Variants in CSAD observed in about 807,000 individuals in gnomAD.
CSAD encodes the protein cysteine sulfinic acid decarboxylase.
Under a neutral mutation model 61.5 loss-of-function variants are expected in CSAD, and 47 were observed. The observed-to-expected ratio is 0.76, with a 90% CI of 0.60 to 0.97. The LOEUF (loss-of-function observed/expected upper bound fraction) is 0.97, where lower values mean the gene tolerates loss of function less well. Among genes scored for constraint, CSAD ranks in the 50% least tolerant of loss-of-function variants. CSAD has a pLI of 0.00. For missense variants in CSAD, 611 were observed against 643.6 expected (o/e 0.95, Z 0.55); for synonymous variants, 245 against 252.7 (o/e 0.97, Z 0.29).
rs760194269 is a variant in CSAD at position 53,161,159 on chromosome 12, CTG to C, written c.850_851del (p.Gln284AspfsTer13). ...TCCCATCCAGGAGATGCCTGTGTGT[CTG>C]TGACAGCAGGACGCTCCCACCCCAG... is the stretch of plus-strand genomic sequence containing the variant. Reference protein sequence around the residue: ...AAWGGSVLLSQTHRHLLDGIQ... With the variant: ...AAWGGSVLLSXTHRHLLDGIQ... On this transcript the variant is annotated frameshift_variant, in exon 12 of 17. Coordinates refer to ENST00000444623, the MANE Select transcript of CSAD (RefSeq NM_001244705.2). LOFTEE classifies it high-confidence loss of function. The C allele has an allele frequency of 6.2e-7, 1 of 1,614,160 alleles. No individual in the cohort carries two copies. The highest frequency in any genetic ancestry group is 8.5e-7 in the Non-Finnish European group (1 of 1,180,018).
chr12:53,172,003 AACG>A lies in CSAD; in HGVS notation c.345-18_345-16del, dbSNP rs778259496. 14 of 1,590,514 alleles carry A rather than the reference AACG, an allele frequency of 8.8e-6. No individual in the cohort carries two copies. In the African/African-American group the frequency reaches 1.9e-4, roughly 21 times the overall value. ...CATATGTGTACCTGCCAGGAGAGAG[AACG>A]ACGAGAAAGGAGAGATGGGGAGGGA... On this transcript the variant is annotated splice_polypyrimidine_tract_variant and intron_variant, in intron 6 of 16. Coordinates refer to ENST00000444623, the MANE Select transcript of CSAD (RefSeq NM_001244705.2).
intron 2 of CSAD, among the ~76,000 whole-genome samples, chr12:53,177,265 G>T (rs1375657163): frequency 1.3e-5 from 2 of 152,110 alleles, no homozygotes; most frequent in East Asian, 1.9e-4. Flanking sequence ...AGTTTTAATA[G>T]TAAACATCCC....
At position 53,158,591 on chromosome 12, in the gene CSAD, C is replaced by T. The variant is rs1163655111; in HGVS notation, c.1402G>A (p.Val468Ile). The T allele has an allele frequency of 1.9e-6, 3 of 1,613,160 alleles. No individual in the cohort carries two copies. In the Admixed American group the frequency reaches 5.0e-5, roughly 27 times the overall value. The change falls in exon 17 of 17, where the codon GTT (valine) becomes ATT (isoleucine). Residue 468 changes from valine (V) to isoleucine (I), a missense_variant. Transcript: ENST00000444623. ...CAGGTCAGTGCAGAGTTGGCCACAA[C>T]CACACGGAAGAAGTTGCCCCGGGTC... ...HGTRGNFFRV[V>I]VANSALTCAD...
intron 10 of CSAD, among the ~76,000 whole-genome samples, chr12:53,162,170 G>A (rs938311970): frequency 2.6e-5 from 4 of 151,896 alleles, no homozygotes; most frequent in Admixed American, 6.6e-5. Context: ...CGGAAGCCGA[G>A]GCAGAGGCAT....
intron 2 of CSAD, among the ~76,000 whole-genome samples, chr12:53,175,906 AAAG>A (rs1275862748): frequency 6.6e-6 from 1 of 152,198 alleles, no homozygotes; most frequent in Non-Finnish European, 1.5e-5. Flanking sequence ...TTCTTAGCTG[AAAG>A]AAGGTGAACT....
At chr12:53,172,459 G>A in intron 5 of CSAD, 23 bp from the exon 6 acceptor site, 3 of 1,613,902 alleles carry the variant, frequency 1.9e-6, no homozygotes, top group Non-Finnish European at 2.5e-6. Flanking sequence ...AGTAAGCCAG[G>A]GAGCTCAGAG....
rs765710322 is a variant in CSAD at position 53,170,511 on chromosome 12, G to C, written c.568-9C>G. 1.9e-6 allele frequency: 3 copies of C among 1,612,498 alleles called. No individual in the cohort carries two copies. The highest frequency in any genetic ancestry group is 1.7e-5 in the Admixed American group (1 of 60,008). Reference sequence around the variant, plus strand: ...TGGATGGAGTAGTGACACTGTGGGGGAAGGCAGAGGGCAAGTTAGCACAAC... The same window carrying C: ...TGGATGGAGTAGTGACACTGTGGGGCAAGGCAGAGGGCAAGTTAGCACAAC... On this transcript the variant is annotated splice_polypyrimidine_tract_variant and intron_variant, in intron 8 of 16. Transcript: ENST00000444623.
chr12:53,160,046 G>A (rs1221772546), intron 14 of CSAD, 74 bp downstream of exon 14: 18 of 1,601,894 alleles, frequency 1.1e-5, no homozygotes, highest in African/African-American at 2.7e-5. Flanking sequence ...AAGTAATCCC[G>A]GGAGCAGGAA....
rs1940841176 is a variant in CSAD at position 53,173,495 on chromosome 12, A to G, written c.-6-19T>C. On this transcript the variant is annotated intron_variant, in intron 3 of 16. Transcript: ENST00000444623. ...TCAGGATCTGTGGCAGAGCAGAGTC[A>G]TTCCCTACTCAGCCTGTCAACCCTT... The G allele has an allele frequency of 6.2e-7, 1 of 1,614,150 alleles. No individual in the cohort carries two copies. Among genetic ancestry groups the G allele is most frequent in the African/African-American group, 1.3e-5 (1 of 75,054 alleles).
chr12:53,178,079 T>C (rs906237175), intron 2 of CSAD, among the ~76,000 whole-genome samples: 5 of 152,186 alleles, frequency 3.3e-5, no homozygotes, highest in African/African-American at 9.7e-5. Flanking sequence ...ACACTAAACA[T>C]TGCCAAAGTT....
chr12:53,162,953 C>T lies in CSAD; in HGVS notation c.703-1564G>A, dbSNP rs547068465. 3.3e-5 allele frequency among the ~76,000 whole-genome samples: 5 copies of T among 151,764 alleles called. No individual in the cohort carries two copies. The South Asian group carries it at 1.0e-3, about 32-fold the overall frequency. On this transcript the variant is annotated intron_variant, in intron 10 of 16. Coordinates refer to ENST00000444623, the MANE Select transcript of CSAD (RefSeq NM_001244705.2). ...GCACATGCCTGTAATCCCAGCTACT[C>T]TGGAGGTTGAGGCAGGAGAATGGCT... is the stretch of plus-strand genomic sequence containing the variant.
intron 10 of CSAD, among the ~76,000 whole-genome samples, chr12:53,165,295 C>G (rs1046432359): frequency 1.3e-5 from 2 of 151,860 alleles, no homozygotes; most frequent in African/African-American, 2.4e-5. Flanking sequence ...GAACCATGAT[C>G]GCACCACTGC....
intron 4 of CSAD, 151 bp from the exon 5 acceptor site, chr12:53,172,799 T>C (rs1235192412): frequency 2.2e-6 from 2 of 900,868 alleles, no homozygotes; most frequent in Non-Finnish European, 3.3e-6. Flanking sequence ...ACAAGAGTAG[T>C]GAACACAGTA....
At chr12:53,172,135 A>G in intron 6 of CSAD, 147 bp from the exon 7 acceptor site, 1 of 726,904 alleles carries the variant, frequency 1.4e-6, no homozygotes, top group Non-Finnish European at 2.3e-6. Context: ...TGACAGAACC[A>G]GGGAAGCAAG....
chr12:53,161,175 C>T lies in CSAD; in HGVS notation c.836G>A (p.Ser279Asn), dbSNP rs765896871. The T allele has an allele frequency of 3.7e-6, 6 of 1,614,184 alleles. No homozygotes were observed. The highest frequency in any genetic ancestry group is 5.1e-6 in the Non-Finnish European group (6 of 1,180,034). Residue 279 changes from serine (S) to asparagine (N), a missense_variant, in exon 12 of 17, where the codon AGC (serine) becomes AAC (asparagine). Coordinates refer to ENST00000444623, the MANE Select transcript of CSAD (RefSeq NM_001244705.2). ...WLHVDAAWGGSVLLSQTHRHL... is the reference protein window; with the variant it reads ...WLHVDAAWGGNVLLSQTHRHL... ...CCTGTGTGTCTGTGACAGCAGGACGCTCCCACCCCAGGCAGCCTGTGGAGC... is the reference window on the plus strand; with the variant it reads ...CCTGTGTGTCTGTGACAGCAGGACGTTCCCACCCCAGGCAGCCTGTGGAGC...
At chr12:53,165,679 A>G (rs967337784) in intron 10 of CSAD, among the ~76,000 whole-genome samples, 25 of 151,686 alleles carry the variant, frequency 1.6e-4, no homozygotes, top group South Asian at 4.2e-4. Context: ...AAAAAAAAAA[A>G]AAGAAGAAGA....
chr12:53,170,106 T>G lies in CSAD; in HGVS notation c.668A>C (p.Asp223Ala), dbSNP rs760991926. Residue 223 changes from aspartate (D) to alanine (A), a missense_variant, in exon 10 of 17, where the codon GAT becomes GCT. Coordinates refer to ENST00000444623, the MANE Select transcript of CSAD (RefSeq NM_001244705.2). ...GGCCATACCAATCTGCCTCTCCAGA[T>G]CCTCGGGGACCATTTTCCCTCTGAA... ...ADERGKMVPE[D>A]LERQIGMAEA... 1.2e-6 allele frequency: 2 copies of G among 1,614,014 alleles called. No individual in the cohort carries two copies. Among genetic ancestry groups the G allele is most frequent in the Admixed American group, 3.3e-5 (2 of 60,014 alleles).
intron 10 of CSAD, among the ~76,000 whole-genome samples, chr12:53,169,527 ATTATTT>A (rs1940310591): frequency 6.6e-6 from 1 of 151,340 alleles, no homozygotes; most frequent in African/African-American, 2.4e-5. Context: ...ATTTATTATT[ATTATTT>A]TTGAGATCAC....
intron 2 of CSAD, among the ~76,000 whole-genome samples, chr12:53,176,960 G>A (rs1424873469): frequency 6.6e-6 from 1 of 151,962 alleles, no homozygotes; most frequent in Non-Finnish European, 1.5e-5. Context: ...TAAACTCTTG[G>A]CTTCAAGCAA....
Sources: gnomAD v4.1 joint callset for allele counts (sites outside exome capture counted in the v4.1 genomes callset) on GRCh38, gnomAD v4.1.1 for gene constraint, MANE v1.5 for transcripts, NCBI Gene and HGNC (gene_info 2026-07-23, HGNC 2026-07-21) for gene names.